The following NEXMIF variants were observed in gnomAD, a reference collection of about 807,000 sequenced individuals.
NEXMIF encodes neurite extension and migration factor, also known as XLMR protein related to neurite extension.
Under a neutral mutation model 62.1 loss-of-function variants are expected in NEXMIF, and 8 were observed. The observed-to-expected ratio is 0.13, with a 90% CI of 0.08 to 0.23. The LOEUF (loss-of-function observed/expected upper bound fraction) is 0.23. NEXMIF is among the 10% of genes least tolerant of loss of function. The pLI is 1.00. For synonymous variants in NEXMIF, 404 were observed against 416.6 expected (o/e 0.97, Z 0.37); for missense variants, 976 against 1,113.3 (o/e 0.88, Z 1.75).
At chrX:74,904,147 A>T (rs1270646478) in intron 1 of NEXMIF, among the ~76,000 whole-genome samples, 10 of 110,808 alleles carry the variant, frequency 9.0e-5, no homozygotes, top group Non-Finnish European at 1.7e-4. Flanking sequence ...CAAGGGCAAC[A>T]CTTGCCCTTG....
At chrX:74,903,066 G>T (rs948385756) in intron 1 of NEXMIF, among the ~76,000 whole-genome samples, 2 of 110,976 alleles carry the variant, frequency 1.8e-5, no homozygotes, top group African/African-American at 6.6e-5. Context: ...ATTGAAACTT[G>T]AATCTGGAGG....
At chrX:74,840,855 C>A (rs750710039) in intron 1 of NEXMIF, among the ~76,000 whole-genome samples, 9 of 111,645 alleles carry the variant, frequency 8.1e-5, no homozygotes, top group Non-Finnish European at 1.7e-4. Flanking sequence ...CTGTTTTGTA[C>A]CAGTATCATG....
At chrX:74,849,416 A>T (rs999529679) in intron 1 of NEXMIF, among the ~76,000 whole-genome samples, 7 of 112,322 alleles carry the variant, frequency 6.2e-5, no homozygotes, top group Non-Finnish European at 1.3e-4. Flanking sequence ...TCAGCCTTCA[A>T]AGAGCCCATC....
At chrX:74,888,028 C>A (rs1292952347) in intron 1 of NEXMIF, among the ~76,000 whole-genome samples, 3 of 109,730 alleles carry the variant, frequency 2.7e-5, no homozygotes, top group African/African-American at 6.7e-5. Context: ...TCTCAGCAAA[C>A]TATCACAAGG....
At chrX:74,899,293 T>C (rs1408341246) in intron 1 of NEXMIF, among the ~76,000 whole-genome samples, 1 of 111,554 alleles carries the variant, frequency 9.0e-6, no homozygotes, top group Non-Finnish European at 1.9e-5. Context: ...TTGTCTCTCT[T>C]TGCTGATGAC....
At chrX:74,912,421 C>T (rs2080793504) in intron 1 of NEXMIF, among the ~76,000 whole-genome samples, 1 of 111,941 alleles carries the variant, frequency 8.9e-6, no homozygotes, top group East Asian at 2.8e-4. Context: ...GGAAGACTTT[C>T]CCTCTACTCA....
intron 1 of NEXMIF, among the ~76,000 whole-genome samples, chrX:74,861,649 A>G (rs990527258): frequency 3.6e-5 from 4 of 112,030 alleles, no homozygotes; most frequent in African/African-American, 1.3e-4. Flanking sequence ...TGGATCTCTC[A>G]GCAGAAACCC....
At chrX:74,921,227 G>A (rs1324350813) in intron 1 of NEXMIF, among the ~76,000 whole-genome samples, 1 of 111,067 alleles carries the variant, frequency 9.0e-6, no homozygotes, top group African/African-American at 3.3e-5. Context: ...TGTGGGCAAT[G>A]AGGGACTGAA....
intron 1 of NEXMIF, among the ~76,000 whole-genome samples, chrX:74,824,992 C>T (rs1430244894): frequency 1.8e-5 from 2 of 111,067 alleles, no homozygotes; most frequent in African/African-American, 6.6e-5. Context: ...AATGGCTGTA[C>T]TAATTTACAT....
intron 1 of NEXMIF, among the ~76,000 whole-genome samples, chrX:74,791,105 C>A (rs1365518389): frequency 4.5e-5 from 5 of 110,231 alleles, no homozygotes; most frequent in East Asian, 5.7e-4. Flanking sequence ...ATGATATTGG[C>A]TGTGGGTTTG....
intron 1 of NEXMIF, among the ~76,000 whole-genome samples, chrX:74,752,442 G>C (rs772649547): frequency 9.0e-6 from 1 of 111,289 alleles, no homozygotes; most frequent in African/African-American, 3.3e-5. Flanking sequence ...TCCTAGCTCA[G>C]TGCCTCAACA....
chrX:74,924,376 C>T (rs2080836576), intron 1 of NEXMIF, among the ~76,000 whole-genome samples: 1 of 113,000 alleles, frequency 8.8e-6, no homozygotes, highest in South Asian at 3.6e-4. Context: ...CCGAGTGGCG[C>T]GTGTCCTGGG....
chrX:74,774,002 G>A (rs1850931596), intron 1 of NEXMIF, among the ~76,000 whole-genome samples: 1 of 109,397 alleles, frequency 9.1e-6, no homozygotes, highest in Non-Finnish European at 1.9e-5. Context: ...TTGAGAGCTG[G>A]CATTTATTTG....
intron 1 of NEXMIF, among the ~76,000 whole-genome samples, chrX:74,885,522 T>C (rs1462108409): frequency 8.9e-6 from 1 of 111,781 alleles, no homozygotes; most frequent in African/African-American, 3.2e-5. Flanking sequence ...TAAACACCTC[T>C]ACGCAAATAA....
At chrX:74,888,813 A>G (rs971146543) in intron 1 of NEXMIF, among the ~76,000 whole-genome samples, 2 of 112,292 alleles carry the variant, frequency 1.8e-5, no homozygotes, top group African/African-American at 6.5e-5. Context: ...CACCTAGACG[A>G]ATAGTTCATT....
At chrX:74,842,340 C>A (rs922471227) in intron 1 of NEXMIF, among the ~76,000 whole-genome samples, 2 of 111,269 alleles carry the variant, frequency 1.8e-5, no homozygotes, top group African/African-American at 3.3e-5. Flanking sequence ...TTCATCATTT[C>A]TAATTGTGTT....
At chrX:74,746,309 C>G (rs948844834) in intron 1 of NEXMIF, among the ~76,000 whole-genome samples, 1 of 111,994 alleles carries the variant, frequency 8.9e-6, no homozygotes, top group African/African-American at 3.2e-5. Context: ...TCCAAACTCA[C>G]AGCAAATTTT....
At chrX:74,798,207 C>A (rs1169975944) in intron 1 of NEXMIF, among the ~76,000 whole-genome samples, 3 of 111,284 alleles carry the variant, frequency 2.7e-5, no homozygotes, top group Non-Finnish European at 5.7e-5. Context: ...ATTCAGCAAA[C>A]CATCATGGTT....
rs149522403 is a variant in NEXMIF, at chrX:74,833,858, A to T, written c.-47-88161T>A. 3.8e-3 allele frequency among the ~76,000 whole-genome samples: 421 copies of T among 111,452 alleles called. 1 individual carries two copies. Among genetic ancestry groups the T allele is most frequent in the African/African-American group, 0.013 (405 of 30,592 alleles). ...AAACAAACAAACACACAAAAAGAAAACTAATAAGGCTGGGTGCGGTGGCTC... is the reference window on the plus strand; with the variant it reads ...AAACAAACAAACACACAAAAAGAAATCTAATAAGGCTGGGTGCGGTGGCTC... On this transcript the variant is annotated intron_variant, in intron 1 of 3. Transcript: ENST00000055682.
Sources: allele counts gnomAD v4.1 joint callset (sites outside exome capture counted in the v4.1 genomes callset), GRCh38; gene constraint gnomAD v4.1.1; transcripts MANE v1.5; gene names NCBI Gene and HGNC (gene_info 2026-07-23, HGNC 2026-07-21).